The following MYO16 variants were observed in gnomAD, a reference collection of about 807,000 sequenced individuals.
MYO16 encodes the protein myosin XVI.
MYO16 carries 94 observed loss-of-function variants against 205.3 expected under a neutral mutation model. That is an observed-to-expected ratio of 0.46 (90% CI 0.39 to 0.54). The LOEUF (loss-of-function observed/expected upper bound fraction) is 0.54. MYO16 is among the 20% of genes least tolerant of loss of function. The pLI is 0.00. For missense variants in MYO16, 2,315 were observed against 2,387.5 expected (o/e 0.97, Z 0.63); for synonymous variants, 988 against 954.0 (o/e 1.04, Z -0.66).
chr13:109,009,393 A>G (rs1885515914), intron 22 of MYO16, among the ~76,000 whole-genome samples: 1 of 152,196 alleles, frequency 6.6e-6, no homozygotes, highest in African/African-American at 2.4e-5. Flanking sequence ...ATACCATAAA[A>G]CAAGTTCAAT....
At chr13:108,675,666 C>T (rs1396692587) in intron 2 of MYO16, among the ~76,000 whole-genome samples, 1 of 152,138 alleles carries the variant, frequency 6.6e-6, no homozygotes, top group Admixed American at 6.5e-5. Context: ...AATCTGAAAC[C>T]GTGCTCTCTT....
intron 16 of MYO16, among the ~76,000 whole-genome samples, chr13:108,932,392 C>T (rs1475726621): frequency 6.6e-6 from 1 of 152,094 alleles, no homozygotes; most frequent in African/African-American, 2.4e-5. Context: ...ACTTGGTATT[C>T]CTCATTGGCT....
At chr13:108,890,389 C>T (rs1362947201) in intron 14 of MYO16, among the ~76,000 whole-genome samples, 1 of 152,162 alleles carries the variant, frequency 6.6e-6, no homozygotes, top group East Asian at 1.9e-4. Flanking sequence ...AAGTTGCTCT[C>T]TTTCTTTTTC....
intron 21 of MYO16, among the ~76,000 whole-genome samples, chr13:108,994,363 G>T (rs1015434681): frequency 1.3e-5 from 2 of 151,798 alleles, no homozygotes; most frequent in African/African-American, 4.8e-5. Flanking sequence ...TAACAGGTTT[G>T]CTTTGCTATT....
At chr13:108,720,268 C>T (rs1373404641) in intron 3 of MYO16, among the ~76,000 whole-genome samples, 4 of 152,156 alleles carry the variant, frequency 2.6e-5, no homozygotes, top group African/African-American at 7.2e-5. Context: ...GATTCAAGCA[C>T]AGGCTGAAAG....
At chr13:108,974,242 T>C (rs1443609297) in intron 20 of MYO16, among the ~76,000 whole-genome samples, 1 of 152,196 alleles carries the variant, frequency 6.6e-6, no homozygotes, top group Non-Finnish European at 1.5e-5. Flanking sequence ...TTGCTGTTCA[T>C]ATTAAGTGAT....
intron 33 of MYO16, among the ~76,000 whole-genome samples, chr13:109,173,983 A>C (rs1879050079): frequency 7.1e-6 from 1 of 141,188 alleles, no homozygotes; most frequent in Admixed American, 7.1e-5. Flanking sequence ...GGAAAAGTGT[A>C]CCTGATTGTA....
intron 5 of MYO16, among the ~76,000 whole-genome samples, chr13:108,786,951 G>A (rs1372899575): frequency 1.3e-5 from 2 of 152,200 alleles, no homozygotes; most frequent in African/African-American, 4.8e-5. Flanking sequence ...TACTTCTAAA[G>A]GGAATGAAGC....
intron 28 of MYO16, among the ~76,000 whole-genome samples, chr13:109,107,554 G>A (rs1005708655): frequency 3.9e-5 from 6 of 151,926 alleles, no homozygotes; most frequent in African/African-American, 1.2e-4. Flanking sequence ...CATTCTCTAT[G>A]ATGAGACAAT....
chr13:108,925,712 C>G (rs776523173), intron 16 of MYO16, among the ~76,000 whole-genome samples: 13 of 152,132 alleles, frequency 8.5e-5, no homozygotes, highest in African/African-American at 3.1e-4. Flanking sequence ...GTAACAAACC[C>G]GTCTACGTCT....
At chr13:108,927,238 A>G (rs114833092) in intron 16 of MYO16, among the ~76,000 whole-genome samples, 2,055 of 152,340 alleles carry the variant, frequency 0.013, 47 homozygotes, top group African/African-American at 0.047. Context: ...AGATGGTGGT[A>G]AATAATGCAT....
chr13:108,618,075 T>A (rs2139329976), intron 1 of MYO16, among the ~76,000 whole-genome samples: 1 of 152,282 alleles, frequency 6.6e-6, no homozygotes, highest in South Asian at 2.1e-4. Flanking sequence ...ATGACTCAAT[T>A]TCAAGCCCTC....
intron 23 of MYO16, among the ~76,000 whole-genome samples, chr13:109,023,809 A>G (rs1294889710): frequency 1.5e-4 from 21 of 136,084 alleles, no homozygotes; most frequent in Non-Finnish European, 2.0e-4. Flanking sequence ...TTATATACAT[A>G]TATTTATATT....
At chr13:108,525,676 T>C in the MYO16 span, among the ~76,000 whole-genome samples, 1 of 152,238 alleles carries the variant, frequency 6.6e-6, no homozygotes, top group South Asian at 2.1e-4. Flanking sequence ...ACTGAACTCT[T>C]TGTGGACACT....
At chr13:109,201,672 T>C (rs1880401077) in intron 34 of MYO16, among the ~76,000 whole-genome samples, 1 of 152,050 alleles carries the variant, frequency 6.6e-6, no homozygotes, top group Non-Finnish European at 1.5e-5. Flanking sequence ...TCTTTAGTGG[T>C]GATTTGTGAG....
chr13:108,642,770 T>C (rs996998884), intron 1 of MYO16, among the ~76,000 whole-genome samples: 25 of 152,182 alleles, frequency 1.6e-4, no homozygotes, highest in African/African-American at 6.0e-4. Flanking sequence ...TGACAGAGGC[T>C]GGCATCTGTT....
At chr13:108,605,641 G>A (rs1878927335) in intron 1 of MYO16, among the ~76,000 whole-genome samples, 2 of 152,094 alleles carry the variant, frequency 1.3e-5, no homozygotes, top group Non-Finnish European at 2.9e-5. Context: ...CTGCCATGAT[G>A]GTAAGTTTCC....
intron 22 of MYO16, among the ~76,000 whole-genome samples, chr13:109,016,035 G>A (rs892487960): frequency 6.6e-6 from 1 of 152,020 alleles, no homozygotes; most frequent in African/African-American, 2.4e-5. Flanking sequence ...CGCTTCTCTA[G>A]TTCTTTTCAT....
intron 21 of MYO16, among the ~76,000 whole-genome samples, chr13:109,007,748 T>C (rs1885448862): frequency 6.6e-6 from 1 of 152,124 alleles, no homozygotes; most frequent in Non-Finnish European, 1.5e-5. Context: ...CTGATGGGAA[T>C]GTCTTGTGGA....
Sources: gnomAD v4.1 joint callset for allele counts (sites outside exome capture counted in the v4.1 genomes callset) on GRCh38, gnomAD v4.1.1 for gene constraint, MANE v1.5 for transcripts, NCBI Gene and HGNC (gene_info 2026-07-23, HGNC 2026-07-21) for gene names.